The following ZNF623 variants were observed in gnomAD, a reference collection of about 807,000 sequenced individuals.
The protein encoded by ZNF623 is zinc finger protein 623.
In ZNF623, 16 loss-of-function variants were observed where a neutral mutation model predicts 24.0. The ratio of observed to expected loss-of-function variants is 0.67; its 90% CI spans 0.45 to 1.01. The LOEUF is 1.01. Ranked by LOEUF, ZNF623 falls within the 50% of genes least tolerant of loss-of-function variation. ZNF623 has a pLI of 0.00. For missense variants in ZNF623, 566 were observed against 606.5 expected (o/e 0.93, Z 0.70); for synonymous variants, 224 against 219.8 (o/e 1.02, Z -0.17).
At chr8:143,646,734 G>A (rs533767653) in intron 1 of ZNF623, among the ~76,000 whole-genome samples, 53 of 152,194 alleles carry the variant, frequency 3.5e-4, no homozygotes, top group African/African-American at 1.2e-3. Flanking sequence ...GCACAAGCAC[G>A]GCTCACTGCA....
rs1169286358 is a variant in ZNF623, at chr8:143,651,257, G to T, written c.1265G>T (p.Ser422Ile). 1.9e-6 allele frequency: 3 copies of T among 1,614,060 alleles called. No individual in the cohort carries two copies. In the African/African-American group the frequency reaches 4.0e-5, roughly 22 times the overall value. ...ACTGGAGAAAAGCCCTATGTGTGCA[G>T]TTATTGTGGGAAAGGCTTTATTCAG... is the stretch of plus-strand genomic sequence containing the variant. ...IHTGEKPYVC[S>I]YCGKGFIQRS... is the part of the protein sequence containing the mutation. The change falls in exon 2 of 2, where the codon AGT becomes ATT. Residue 422 changes from serine to isoleucine, a missense_variant. Around this residue, in one of 3 missense-constraint regions of ZNF623, gnomAD observed 136 missense variants for 131.9 expected, o/e 1.03. Coordinates refer to ENST00000526926, the MANE Select transcript of ZNF623 (RefSeq NM_001261843.2).
At chr8:143,645,261 G>A (rs1240218694) in intron 1 of ZNF623, among the ~76,000 whole-genome samples, 1 of 152,160 alleles carries the variant, frequency 6.6e-6, no homozygotes, top group Non-Finnish European at 1.5e-5. Flanking sequence ...GGCTAACGGT[G>A]AAACCCCGTC....
At chr8:143,640,938 C>A (rs1443928222) in intron 1 of ZNF623, among the ~76,000 whole-genome samples, 156 of 59,692 alleles carry the variant, frequency 2.6e-3, no homozygotes, top group Admixed American at 0.014. Context: ...GAAACTCTGT[C>A]TTTAAAAAAA....
rs751440911 is a variant in ZNF623 at position 143,652,932 on chromosome 8, G to A, written c.*1449G>A. 16 of 167,104 alleles carry A rather than the reference G, an allele frequency of 9.6e-5. No homozygotes were observed. Among genetic ancestry groups the A allele is most frequent in the Non-Finnish European group, 2.2e-4 (15 of 68,150 alleles). The allele number at this position is 167,104 out of a possible 1,614,324, so 10.4% of individuals were successfully genotyped here. ...TCATCCACCGTGTAGTGGGGAAGAC[G>A]GAGATCACAGTAGGGTGAGTTAAGT... is the stretch of plus-strand genomic sequence containing the variant. On this transcript the variant is annotated 3_prime_UTR_variant, in exon 2 of 2. Coordinates refer to ENST00000526926, the MANE Select transcript of ZNF623 (RefSeq NM_001261843.2).
At position 143,650,003 on chromosome 8, in the gene ZNF623, C is replaced by A. The variant is rs767866732; in HGVS notation, c.11C>A (p.Pro4His). The change falls in exon 2 of 2, where the codon CCC (proline) becomes CAC (histidine). Residue 4 changes from proline (P) to histidine (H), a missense_variant. Pro to His is a moderately conservative substitution (Grantham distance 77, BLOSUM62 -2). Coordinates refer to ENST00000526926, the MANE Select transcript of ZNF623 (RefSeq NM_001261843.2). This position sits in a 1 kb window ranked among gnomAD's most constrained non-coding sequence, Gnocchi z 5.2. ...GACAGACTCACGGTGATGGAGCTCC[C>A]CTCTCCCGAGTCTGAGGAAGTCCAC... is the stretch of plus-strand genomic sequence containing the variant. MEL[P>H]SPESEEVHEP... The A allele has an allele frequency of 5.0e-6, 8 of 1,614,032 alleles. No individual in the cohort carries two copies. The highest frequency in any genetic ancestry group is 6.8e-6 in the Non-Finnish European group (8 of 1,180,036).
At position 143,650,984 on chromosome 8, in the gene ZNF623, G is replaced by A. The variant is rs1251133424; in HGVS notation, c.992G>A (p.Gly331Glu). ...ACCCAGCATCAGAGAATTCACACTGGAGAGAAACTCTATGAATGTAACGAG... is the reference window on the plus strand; with the variant it reads ...ACCCAGCATCAGAGAATTCACACTGAAGAGAAACTCTATGAATGTAACGAG... ...NFTQHQRIHTGEKLYECNECG... is the reference protein window; with the variant it reads ...NFTQHQRIHTEEKLYECNECG... The change falls in exon 2 of 2, where the codon GGA (glycine) becomes GAA (glutamate). Residue 331 changes from glycine (G) to glutamate (E), a missense_variant. Around this residue, in one of 3 missense-constraint regions of ZNF623, gnomAD observed 117 missense variants for 174.2 expected, o/e 0.67. Coordinates refer to ENST00000526926, the MANE Select transcript of ZNF623 (RefSeq NM_001261843.2). The surrounding 1 kb of genome is among the most constrained non-coding windows in gnomAD (Gnocchi z 5.2). 6.2e-7 allele frequency: 1 copy of A among 1,613,970 alleles called. No homozygotes were observed. The highest frequency in any genetic ancestry group is 8.5e-7 in the Non-Finnish European group (1 of 1,180,042).
chr8:143,638,134 A>T (rs2131437817), intron 1 of ZNF623, among the ~76,000 whole-genome samples: 1 of 152,260 alleles, frequency 6.6e-6, no homozygotes, highest in South Asian at 2.1e-4. Flanking sequence ...TGAGGTCAAG[A>T]GTTCGAGACC....
intron 1 of ZNF623, chr8:143,636,426 C>T (rs1587320592): frequency 6.6e-6 from 1 of 152,402 alleles, no homozygotes; most frequent in East Asian, 1.9e-4. Context: ...GTGGGTACCC[C>T]TGGTTCCCTC....
rs758358334 is a variant in ZNF623, at chr8:143,651,365, C to G, written c.1373C>G (p.Ser458Ter). The G allele has an allele frequency of 1.9e-6, 3 of 1,614,156 alleles. No individual in the cohort carries two copies. The highest frequency in any genetic ancestry group is 2.5e-6 in the Non-Finnish European group (3 of 1,180,014). ...AGTCAGTATGGGAGAGATTTTAACTCAACTACAAACGTTAAAAATAATCAA... is the reference window on the plus strand; with the variant it reads ...AGTCAGTATGGGAGAGATTTTAACTGAACTACAAACGTTAAAAATAATCAA... ...ECSQYGRDFN[S>*]TTNVKNNQRV... The change falls in exon 2 of 2, where the codon TCA (serine) becomes TGA (stop). Residue 458 changes from serine (S) to a stop codon, truncating the protein, a stop_gained. Coordinates refer to ENST00000526926, the MANE Select transcript of ZNF623 (RefSeq NM_001261843.2). LOFTEE classifies it high-confidence loss of function.
Position 143,651,582 on chromosome 8 carries a change from A to G in ZNF623, c.*99A>G. On this transcript the variant is annotated 3_prime_UTR_variant, in exon 2 of 2. Transcript: ENST00000526926. The stretch of plus-strand genomic sequence containing the variant: ...TGGACATGTCAGAATTTTGTGAGTC[A>G]TGGATGGGGCTGCTTTTGCAGTGGG... 7.1e-7 allele frequency: 1 copy of G among 1,409,280 alleles called. No individual in the cohort carries two copies. Among genetic ancestry groups the G allele is most frequent in the East Asian group, 2.3e-5 (1 of 43,230 alleles). The allele number at this position is 1,409,280 out of a possible 1,614,324, so 87.3% of individuals were successfully genotyped here.
chr8:143,650,028 C>G lies in ZNF623; in HGVS notation c.36C>G (p.His12Gln). Residue 12 changes from histidine (H) to glutamine (Q), a missense_variant, in exon 2 of 2, where the codon CAC becomes CAG. By Grantham distance (24) the His-to-Gln change is conservative. Around this residue, in one of 3 missense-constraint regions of ZNF623, gnomAD observed 313 missense variants for 300.4 expected, o/e 1.04. Transcript: ENST00000526926. This position sits in a 1 kb window ranked among gnomAD's most constrained non-coding sequence, Gnocchi z 5.2. ...CCTCTCCCGAGTCTGAGGAAGTCCA[C>G]GAGCCCAGATTAGGGGAGCTCTTGG... is the stretch of plus-strand genomic sequence containing the variant. Reference protein sequence around the residue: ...ELPSPESEEVHEPRLGELLGN... With the variant: ...ELPSPESEEVQEPRLGELLGN... 6.2e-7 allele frequency: 1 copy of G among 1,614,150 alleles called. No homozygotes were observed. Among genetic ancestry groups the G allele is most frequent in the Non-Finnish European group, 8.5e-7 (1 of 1,180,016 alleles).
At chr8:143,644,354 T>A (rs1319834263) in intron 1 of ZNF623, among the ~76,000 whole-genome samples, 1 of 152,164 alleles carries the variant, frequency 6.6e-6, no homozygotes, top group African/African-American at 2.4e-5. Context: ...CCTCCAGTTT[T>A]ATTTACTGGC....
chr8:143,644,927 G>C (rs1197143069), intron 1 of ZNF623, among the ~76,000 whole-genome samples: 2 of 151,318 alleles, frequency 1.3e-5, no homozygotes, highest in Admixed American at 6.6e-5. Flanking sequence ...TTGGGAGTTC[G>C]AGACCAGCCT....
At chr8:143,640,964 A>T in intron 1 of ZNF623, among the ~76,000 whole-genome samples, 1 of 150,598 alleles carries the variant, frequency 6.6e-6, no homozygotes, top group Non-Finnish European at 1.5e-5. Flanking sequence ...AAAAAAAAAA[A>T]AAAAGCAGCA....
Position 143,646,547 on chromosome 8 carries a change from G to A in ZNF623, c.-95-3351G>A, listed in dbSNP as rs1815179895. Among the ~76,000 whole-genome samples, 7 of 63,962 alleles carry A rather than the reference G, an allele frequency of 1.1e-4. No individual in the cohort carries two copies. The South Asian group carries it at 2.7e-3, about 24-fold the overall frequency. 42.0% of individuals were successfully genotyped at this position (63,962 alleles called of 152,430 possible). A position where few individuals can be genotyped will look rare whatever the true frequency, so the allele number is the denominator to read the frequency against. On this transcript the variant is annotated intron_variant, in intron 1 of 1. Transcript: ENST00000526926. ...AGTTTGTTGCCTGTGGGGTGTGTGC[G>A]TGTGTGTGTGTGTGTGTGTGTGCAT...
At chr8:143,638,419 T>C (rs547751019) in intron 1 of ZNF623, among the ~76,000 whole-genome samples, 28 of 151,652 alleles carry the variant, frequency 1.8e-4, no homozygotes, top group South Asian at 8.4e-4. Flanking sequence ...TTTTAAGATA[T>C]GTTCTTGTAA....
chr8:143,648,367 C>T (rs148910408), intron 1 of ZNF623, among the ~76,000 whole-genome samples: 51 of 152,080 alleles, frequency 3.4e-4, no homozygotes, highest in African/African-American at 1.2e-3. Flanking sequence ...GGAAGTGTGG[C>T]CATAGCTGAC....
intron 1 of ZNF623, among the ~76,000 whole-genome samples, chr8:143,645,210 A>G (rs372494941): frequency 1.6e-4 from 24 of 152,172 alleles, no homozygotes; most frequent in East Asian, 1.2e-3. Flanking sequence ...TTGGGAGGCC[A>G]AGGCGGGCGG....
intron 1 of ZNF623, among the ~76,000 whole-genome samples, chr8:143,641,866 C>G (rs1429712286): frequency 1.3e-5 from 2 of 152,170 alleles, no homozygotes; most frequent in Admixed American, 1.3e-4. Context: ...GCACTGTCAT[C>G]CAGGCTTTGT....
Sources: allele counts gnomAD v4.1 joint callset (sites outside exome capture counted in the v4.1 genomes callset), GRCh38; gene constraint gnomAD v4.1.1; regional missense constraint gnomAD v4.1.1; non-coding constraint Gnocchi (gnomAD v3.1); transcripts MANE v1.5; gene names NCBI Gene and HGNC (gene_info 2026-07-23, HGNC 2026-07-21).